Variants in NXPH1 observed in about 807,000 individuals in gnomAD.
NXPH1 encodes neurexophilin 1, also known as neurexophilin-1.
A neutral mutation model predicts 23.7 loss-of-function variants in NXPH1; 5 were observed. That is an observed-to-expected ratio of 0.21 (90% CI 0.11 to 0.44). The LOEUF is 0.44. Among genes scored for constraint, NXPH1 ranks in the 20% least tolerant of loss-of-function variants. NXPH1 has a pLI of 0.99. For synonymous variants in NXPH1, 144 were observed against 122.2 expected, an observed-to-expected ratio of 1.18 and a Z score of -1.18; for missense variants, 324 against 321.6, an observed-to-expected ratio of 1.01 and a Z score of -0.06.
chr7:8,668,970 C>A lies in NXPH1; in HGVS notation c.55-82038C>A, dbSNP rs75740274. Among the ~76,000 whole-genome samples, 4 of 152,248 alleles carry A rather than the reference C, an allele frequency of 2.6e-5. No homozygotes were observed. The South Asian group carries it at 6.2e-4, about 24-fold the overall frequency. ...ATGGGGACTGGCATGAAGCCTGGGT[C>A]CTCTGGGGTTGGCCTGGAGCATGGG... On this transcript the variant is annotated intron_variant, in intron 2 of 2. Coordinates refer to ENST00000405863, the MANE Select transcript of NXPH1 (RefSeq NM_152745.3).
chr7:8,494,201 C>G (rs1817298817), intron 2 of NXPH1, among the ~76,000 whole-genome samples: 1 of 150,694 alleles, frequency 6.6e-6, no homozygotes. Flanking sequence ...AGTGATTTTT[C>G]ATAGGAGAAT....
chr7:8,527,266 T>C (rs773367255), intron 2 of NXPH1, among the ~76,000 whole-genome samples: 5 of 152,212 alleles, frequency 3.3e-5, no homozygotes, highest in Non-Finnish European at 5.9e-5. Flanking sequence ...TCGCCTCCCA[T>C]GCAGCCTCAG....
intron 2 of NXPH1, among the ~76,000 whole-genome samples, chr7:8,438,421 C>G (rs1816233085): frequency 6.6e-6 from 1 of 152,178 alleles, no homozygotes; most frequent in Non-Finnish European, 1.5e-5. Flanking sequence ...TTAATTTTCT[C>G]TTGAACTGAC....
chr7:8,467,276 G>A (rs1816801329), intron 2 of NXPH1, among the ~76,000 whole-genome samples: 3 of 152,094 alleles, frequency 2.0e-5, no homozygotes, highest in South Asian at 2.1e-4. Flanking sequence ...ATCTATGAAA[G>A]GGTATTAATA....
chr7:8,552,255 C>G (rs1024232759), intron 2 of NXPH1, among the ~76,000 whole-genome samples: 3 of 151,256 alleles, frequency 2.0e-5, no homozygotes, highest in Non-Finnish European at 4.4e-5. Context: ...AAATAATGTT[C>G]CTATGCAATT....
intron 2 of NXPH1, among the ~76,000 whole-genome samples, chr7:8,602,485 T>C (rs150827344): frequency 1.2e-4 from 19 of 152,308 alleles, no homozygotes; most frequent in African/African-American, 4.6e-4. Flanking sequence ...TTGTCTCAAA[T>C]GCCCTTTCCC....
chr7:8,453,838 G>C (rs987988544), intron 2 of NXPH1, among the ~76,000 whole-genome samples: 4 of 152,010 alleles, frequency 2.6e-5, no homozygotes, highest in African/African-American at 4.8e-5. Context: ...GGGCATTTAG[G>C]TTGATTCCAT....
intron 2 of NXPH1, among the ~76,000 whole-genome samples, chr7:8,741,549 A>G (rs1780360389): frequency 6.6e-6 from 1 of 152,090 alleles, no homozygotes; most frequent in South Asian, 2.1e-4. Flanking sequence ...CTTTCTCCAC[A>G]TCGTGTTCAG....
chr7:8,576,043 C>G (rs923229483), intron 2 of NXPH1, among the ~76,000 whole-genome samples: 1 of 152,176 alleles, frequency 6.6e-6, no homozygotes, highest in Admixed American at 6.5e-5. Flanking sequence ...ACCTGCTTCT[C>G]TGATTGTCCA....
chr7:8,494,045 T>G (rs1013831963), intron 2 of NXPH1, among the ~76,000 whole-genome samples: 3 of 152,072 alleles, frequency 2.0e-5, no homozygotes, highest in South Asian at 2.1e-4. Flanking sequence ...TTCTTATGTA[T>G]AGTATCCTAG....
intron 2 of NXPH1, among the ~76,000 whole-genome samples, chr7:8,575,010 G>A (rs1400115515): frequency 6.6e-6 from 1 of 152,082 alleles, no homozygotes; most frequent in Non-Finnish European, 1.5e-5. Flanking sequence ...AGCATTCGTC[G>A]GAGACGTTCT....
chr7:8,722,091 C>T (rs1299289233), intron 2 of NXPH1, among the ~76,000 whole-genome samples: 1 of 151,228 alleles, frequency 6.6e-6, no homozygotes, highest in African/African-American at 2.4e-5. Flanking sequence ...TGAAAAGTAC[C>T]AATGATGTGG....
At chr7:8,700,977 C>A (rs1016353965) in intron 2 of NXPH1, among the ~76,000 whole-genome samples, 27 of 151,952 alleles carry the variant, frequency 1.8e-4, no homozygotes, top group African/African-American at 6.5e-4. Context: ...GTTAAAATTT[C>A]TTTGTCTATA....
chr7:8,674,009 A>G (rs935726330), intron 2 of NXPH1, among the ~76,000 whole-genome samples: 4 of 152,164 alleles, frequency 2.6e-5, no homozygotes, highest in South Asian at 2.1e-4. Context: ...TAACAAAGTA[A>G]AGATCTATTG....
At chr7:8,654,589 C>T (rs1352531945) in intron 2 of NXPH1, among the ~76,000 whole-genome samples, 1 of 152,178 alleles carries the variant, frequency 6.6e-6, no homozygotes, top group Non-Finnish European at 1.5e-5. Context: ...TGGAGTTCCT[C>T]CTCTTTGTGT....
At chr7:8,689,037 A>G (rs1047667288) in intron 2 of NXPH1, among the ~76,000 whole-genome samples, 17 of 152,070 alleles carry the variant, frequency 1.1e-4, no homozygotes, top group African/African-American at 3.9e-4. Flanking sequence ...CTCTTTTTCA[A>G]AAAATGTTTG....
intron 2 of NXPH1, among the ~76,000 whole-genome samples, chr7:8,483,666 C>CTCA (rs1257657564): frequency 5.3e-5 from 8 of 152,134 alleles, no homozygotes; most frequent in Non-Finnish European, 8.8e-5. Flanking sequence ...TATAAAAGAG[C>CTCA]TGTGCTAAAT....
chr7:8,507,433 C>T (rs1003585359), intron 2 of NXPH1, among the ~76,000 whole-genome samples: 1 of 149,438 alleles, frequency 6.7e-6, no homozygotes, highest in Non-Finnish European at 1.5e-5. Context: ...ACATCTTAAG[C>T]TGTAATGAGC....
chr7:8,604,662 C>T (rs1257406527), intron 2 of NXPH1, among the ~76,000 whole-genome samples: 2 of 151,946 alleles, frequency 1.3e-5, no homozygotes, highest in Non-Finnish European at 2.9e-5. Flanking sequence ...ACTATATATG[C>T]CTTATTTGTG....
Sources: allele counts gnomAD v4.1 joint callset (sites outside exome capture counted in the v4.1 genomes callset), GRCh38; gene constraint gnomAD v4.1.1; transcripts MANE v1.5; gene names NCBI Gene and HGNC (gene_info 2026-07-23, HGNC 2026-07-21).